The following STX12 variants were observed in gnomAD, a reference collection of about 807,000 sequenced individuals.
STX12 encodes syntaxin 12.
In STX12, 17 loss-of-function variants were observed where a neutral mutation model predicts 42.2. That is an observed-to-expected ratio of 0.40 (90% CI 0.28 to 0.60). The LOEUF is 0.60. STX12 is among the 20% of genes least tolerant of loss of function. The probability of loss-of-function intolerance (pLI) is 0.39; values close to 1 mark genes in which losing one functional copy is unlikely to be tolerated. For missense variants in STX12, 297 were observed against 330.9 expected (o/e 0.90, Z 0.79); for synonymous variants, 108 against 116.7 (o/e 0.93, Z 0.48).
intron 4 of STX12, among the ~76,000 whole-genome samples, chr1:27,803,918 T>C (rs2088842640): frequency 6.6e-6 from 1 of 151,850 alleles, no homozygotes. Context: ...GGAGAATCGC[T>C]TGAACCAGGG....
intron 1 of STX12, among the ~76,000 whole-genome samples, chr1:27,775,474 G>GT (rs1416201764): frequency 2.6e-5 from 4 of 152,268 alleles, no homozygotes; most frequent in Admixed American, 6.5e-5. Flanking sequence ...GTTTCACCAT[G>GT]TTGTCCAGTC....
At chr1:27,791,224 G>A (rs1376632081) in intron 2 of STX12, among the ~76,000 whole-genome samples, 1 of 152,122 alleles carries the variant, frequency 6.6e-6, no homozygotes, top group Non-Finnish European at 1.5e-5. Flanking sequence ...TTGTGCCATT[G>A]CACTCCAGCC....
At chr1:27,784,095 G>C (rs370940349) in intron 1 of STX12, among the ~76,000 whole-genome samples, 1 of 151,958 alleles carries the variant, frequency 6.6e-6, no homozygotes, top group Non-Finnish European at 1.5e-5. Context: ...CAGGAGAATC[G>C]CTTGAACCTG....
chr1:27,794,463 G>C (rs897437278), intron 3 of STX12, among the ~76,000 whole-genome samples: 1 of 152,164 alleles, frequency 6.6e-6, no homozygotes, highest in African/African-American at 2.4e-5. Context: ...GGGAAAAAGG[G>C]TTCTCTTTTC....
chr1:27,803,609 G>A (rs1027338728), intron 4 of STX12, among the ~76,000 whole-genome samples: 2 of 152,190 alleles, frequency 1.3e-5, no homozygotes, highest in African/African-American at 4.8e-5. Flanking sequence ...AAAGCAGAAA[G>A]AAATGAAGAA....
At chr1:27,792,180 A>G (rs969344479) in intron 2 of STX12, among the ~76,000 whole-genome samples, 18 of 125,014 alleles carry the variant, frequency 1.4e-4, no homozygotes, top group South Asian at 2.1e-4. Context: ...ATACATATAT[A>G]TGTATCTATA....
At chr1:27,774,702 C>T (rs1321046904) in intron 1 of STX12, among the ~76,000 whole-genome samples, 1 of 151,858 alleles carries the variant, frequency 6.6e-6, no homozygotes, top group African/African-American at 2.4e-5. Context: ...TTTTTCGAGA[C>T]AGAGTCTACT....
intron 3 of STX12, among the ~76,000 whole-genome samples, chr1:27,800,499 G>A (rs966891900): frequency 7.7e-6 from 1 of 129,096 alleles, no homozygotes; most frequent in Non-Finnish European, 1.5e-5. Context: ...GTGTGTGTGT[G>A]TGTGTGTGTG....
intron 4 of STX12, among the ~76,000 whole-genome samples, chr1:27,804,199 GTGGATCACCTGAGGTCAGGAGT>G (rs2088844784): frequency 6.6e-6 from 1 of 151,864 alleles, no homozygotes; most frequent in Non-Finnish European, 1.5e-5. Flanking sequence ...GCCGAGGCGG[GTGGATCACCTGAGGTCAGGAGT>G]TCAAGACCAG....
chr1:27,778,964 T>C (rs1475961743), intron 1 of STX12, among the ~76,000 whole-genome samples: 1 of 152,182 alleles, frequency 6.6e-6, no homozygotes, highest in African/African-American at 2.4e-5. Context: ...CTCGCTGTGT[T>C]GCCCAGGCTG....
intron 2 of STX12, among the ~76,000 whole-genome samples, chr1:27,790,874 G>A (rs576220678): frequency 7.2e-4 from 110 of 152,268 alleles, no homozygotes; most frequent in African/African-American, 2.6e-3. Context: ...CCAGGAGGCG[G>A]AGGTTGCGGT....
At chr1:27,792,262 ATATATATGTATCTATATATATG>A (rs2088752475) in intron 2 of STX12, among the ~76,000 whole-genome samples, 1 of 136,242 alleles carries the variant, frequency 7.3e-6, no homozygotes, top group Non-Finnish European at 1.6e-5. Context: ...ATGTAGATAC[ATATATATGTATCTATATATATG>A]TAGATACATA....
intron 4 of STX12, among the ~76,000 whole-genome samples, chr1:27,804,428 A>G (rs1345021557): frequency 6.6e-6 from 1 of 151,408 alleles, no homozygotes; most frequent in Non-Finnish European, 1.5e-5. Flanking sequence ...TTCCGTCTCA[A>G]AAAAAAATAT....
At chr1:27,799,432 A>G (rs1571525118) in intron 3 of STX12, among the ~76,000 whole-genome samples, 1 of 142,588 alleles carries the variant, frequency 7.0e-6, no homozygotes, top group Non-Finnish European at 1.5e-5. Flanking sequence ...AAAAATCTTC[A>G]TTGCTCTTTG....
At chr1:27,774,009 C>T (rs1312721656) in intron 1 of STX12, 2 of 152,164 alleles carry the variant, frequency 1.3e-5, no homozygotes, top group Admixed American at 6.5e-5. Context: ...GGTGGGATGA[C>T]TTCATTTTAA....
chr1:27,773,283 A>G lies in STX12; in HGVS notation c.-25A>G. 2.0e-6 allele frequency: 3 copies of G among 1,497,292 alleles called. No homozygotes were observed. The highest frequency in any genetic ancestry group is 2.8e-6 in the Non-Finnish European group (3 of 1,084,476). 92.8% of individuals were successfully genotyped at this position (1,497,292 alleles called of 1,614,324 possible). ...TGCTTCCGGTAGGAGAGCGGTGTAG[A>G]GCGAGCAGGTCTCAGCTCCTCGTCA... On this transcript the variant is annotated 5_prime_UTR_variant, in exon 1 of 9. Transcript: ENST00000373943.
chr1:27,800,529 GTGTTT>G (rs1378668171), intron 3 of STX12, among the ~76,000 whole-genome samples: 1 of 127,022 alleles, frequency 7.9e-6, no homozygotes, highest in African/African-American at 3.0e-5. Flanking sequence ...GTGTGTGTGT[GTGTTT>G]TGTTTTGTTT....
chr1:27,822,535 T>C lies in STX12; in HGVS notation c.*206T>C, dbSNP rs2088992121. On this transcript the variant is annotated 3_prime_UTR_variant, in exon 9 of 9. Transcript: ENST00000373943. ...TTATTGATTCTATTGATTTCTCAAA[T>C]TAGGAATTAACTTATGTGGATTTTG... 8.6e-6 allele frequency: 4 copies of C among 464,134 alleles called. No homozygotes were observed. The highest frequency in any genetic ancestry group is 1.6e-5 in the Non-Finnish European group (4 of 257,076). The allele number at this position is 464,134 out of a possible 1,614,324, so 28.8% of individuals were successfully genotyped here. A position where few individuals can be genotyped will look rare whatever the true frequency, so the allele number is the denominator to read the frequency against.
At chr1:27,781,882 GATA>G (rs1221192542) in intron 1 of STX12, among the ~76,000 whole-genome samples, 1 of 152,080 alleles carries the variant, frequency 6.6e-6, no homozygotes, top group Non-Finnish European at 1.5e-5. Context: ...TCTTGAGTTT[GATA>G]ATAATAGCTA....
Sources: allele counts gnomAD v4.1 joint callset (sites outside exome capture counted in the v4.1 genomes callset), GRCh38; gene constraint gnomAD v4.1.1; transcripts MANE v1.5; gene names NCBI Gene and HGNC (gene_info 2026-07-23, HGNC 2026-07-21).